Variants in RHOT1 observed in about 807,000 individuals in gnomAD.
RHOT1 encodes mitochondrial Rho GTPase 1.
RHOT1 carries 27 observed loss-of-function variants against 95.3 expected under a neutral mutation model. That is an observed-to-expected ratio of 0.28 (90% CI 0.21 to 0.39). The LOEUF is 0.39. Among genes scored for constraint, RHOT1 ranks in the 10% least tolerant of loss-of-function variants. RHOT1 has a pLI of 1.00. For missense variants in RHOT1, 578 were observed against 786.7 expected, an observed-to-expected ratio of 0.73 and a Z score of 3.17; for synonymous variants, 227 against 263.5, an observed-to-expected ratio of 0.86 and a Z score of 1.34.
intron 18 of RHOT1, 87 bp from the exon 19 acceptor site, chr17:32,211,025 CTAAG>C: frequency 1.5e-6 from 2 of 1,322,496 alleles, no homozygotes; most frequent in South Asian, 3.2e-5. Flanking sequence ...TTGCTTATGC[CTAAG>C]TCTTTTTTTT....
chr17:32,207,059 T>C (rs1456042292), intron 17 of RHOT1, 30 bp downstream of exon 17: 2 of 1,575,922 alleles, frequency 1.3e-6, no homozygotes, highest in Non-Finnish European at 1.7e-6. Flanking sequence ...TATGACTGAA[T>C]GTAACTTCAT....
intron 1 of RHOT1, among the ~76,000 whole-genome samples, chr17:32,147,220 T>C (rs74758395): frequency 0.18 from 27,612 of 151,350 alleles, 2,611 homozygotes; most frequent in South Asian, 0.26. Flanking sequence ...AATTTTTGTA[T>C]TTTTAGTAGA....
In RHOT1 at chr17:32,182,726, T is replaced by G. The variant is rs763009357; in HGVS notation, c.330-31T>G. On this transcript the variant is annotated intron_variant, in intron 6 of 19. Coordinates refer to ENST00000545287, the MANE Select transcript of RHOT1 (RefSeq NM_001033566.3). ...AATATAAATTTAATGTCTTTTGCCT[T>G]CCTTATTACAATGTGCCCTGTTTAT... 1.3e-5 allele frequency: 16 copies of G among 1,240,750 alleles called. No homozygotes were observed. In the Admixed American group the frequency reaches 3.1e-4, roughly 24 times the overall value. 76.9% of individuals were successfully genotyped at this position (1,240,750 alleles called of 1,614,324 possible). A position where few individuals can be genotyped will look rare whatever the true frequency, so the allele number is the denominator to read the frequency against.
At chr17:32,178,272 A>G (rs1420001972) in intron 6 of RHOT1, among the ~76,000 whole-genome samples, 3 of 147,866 alleles carry the variant, frequency 2.0e-5, no homozygotes, top group South Asian at 2.2e-4. Context: ...GCTCACTGCA[A>G]CCTGCCTGCC....
chr17:32,158,173 T>C (rs1488013586), intron 1 of RHOT1, among the ~76,000 whole-genome samples: 1 of 152,118 alleles, frequency 6.6e-6, no homozygotes, highest in East Asian at 1.9e-4. Flanking sequence ...TTAGTTAATA[T>C]ATTTTCCATA....
intron 2 of RHOT1, among the ~76,000 whole-genome samples, 186 bp downstream of exon 2, chr17:32,171,287 C>T (rs937564350): frequency 6.6e-6 from 1 of 152,192 alleles, no homozygotes; most frequent in African/African-American, 2.4e-5. Context: ...GTGGTGCCAT[C>T]ATAGCCCACT....
At chr17:32,224,102 T>C (rs1441079192) in intron 19 of RHOT1, among the ~76,000 whole-genome samples, 1 of 152,222 alleles carries the variant, frequency 6.6e-6, no homozygotes, top group African/African-American at 2.4e-5. Flanking sequence ...GGGGGGTTTT[T>C]TGTAAATTTT....
intron 1 of RHOT1, among the ~76,000 whole-genome samples, chr17:32,169,093 T>A (rs1224602860): frequency 6.6e-6 from 1 of 152,200 alleles, no homozygotes; most frequent in African/African-American, 2.4e-5. Context: ...CCAGCGGTAC[T>A]CGGTTGTTCA....
intron 19 of RHOT1, among the ~76,000 whole-genome samples, chr17:32,220,504 A>G (rs530616885): frequency 6.6e-6 from 1 of 152,326 alleles, no homozygotes; most frequent in East Asian, 1.9e-4. Flanking sequence ...AAATATACAC[A>G]CATTGTGTTT....
chr17:32,216,913 T>C (rs1319379528), intron 19 of RHOT1, among the ~76,000 whole-genome samples: 2 of 152,296 alleles, frequency 1.3e-5, no homozygotes, highest in East Asian at 3.9e-4. Flanking sequence ...TTTATTCCCT[T>C]GTATGAAGGT....
At chr17:32,170,088 A>G (rs950729762) in intron 1 of RHOT1, among the ~76,000 whole-genome samples, 7 of 152,124 alleles carry the variant, frequency 4.6e-5, no homozygotes, top group South Asian at 2.1e-4. Flanking sequence ...ATTATAATAC[A>G]TCATGCAGTG....
chr17:32,185,174 G>T (rs1052705174), intron 8 of RHOT1, among the ~76,000 whole-genome samples: 7 of 151,776 alleles, frequency 4.6e-5, no homozygotes. Flanking sequence ...GCAATGGTGC[G>T]ATCTCTGTGC....
intron 1 of RHOT1, among the ~76,000 whole-genome samples, chr17:32,157,971 G>A (rs1443748236): frequency 6.6e-6 from 1 of 152,140 alleles, no homozygotes; most frequent in African/African-American, 2.4e-5. Flanking sequence ...CTGGGCTCAA[G>A]TGATCCTCCC....
At chr17:32,194,933 C>G (rs1425718114) in intron 11 of RHOT1, among the ~76,000 whole-genome samples, 1 of 148,532 alleles carries the variant, frequency 6.7e-6, no homozygotes, top group Non-Finnish European at 1.5e-5. Context: ...TTAAGCGATT[C>G]TTCTGTCTCA....
chr17:32,191,695 T>C (rs1020807348), intron 8 of RHOT1, among the ~76,000 whole-genome samples: 4 of 152,338 alleles, frequency 2.6e-5, no homozygotes, highest in Admixed American at 2.6e-4. Flanking sequence ...TTTACACTTA[T>C]TAACCAGTGA....
intron 1 of RHOT1, among the ~76,000 whole-genome samples, chr17:32,159,075 C>T (rs924226105): frequency 1.3e-5 from 2 of 152,154 alleles, no homozygotes; most frequent in African/African-American, 2.4e-5. Context: ...CCACTATGGC[C>T]TCAACCTCTC....
chr17:32,149,607 A>ATGTGTGTG, intron 1 of RHOT1, among the ~76,000 whole-genome samples: 1 of 77,674 alleles, frequency 1.3e-5, no homozygotes, highest in African/African-American at 8.4e-5. Flanking sequence ...ATATATATAT[A>ATGTGTGTG]TATATATATA....
At chr17:32,152,031 A>G (rs1023202786) in intron 1 of RHOT1, among the ~76,000 whole-genome samples, 4 of 152,228 alleles carry the variant, frequency 2.6e-5, no homozygotes, top group African/African-American at 9.6e-5. Flanking sequence ...AATTACCTCA[A>G]ATTCTTTTCC....
In RHOT1 at chr17:32,199,037, C is replaced by T. The variant is rs760643751; in HGVS notation, c.954+6C>T. 4 of 1,579,218 alleles carry T rather than the reference C, an allele frequency of 2.5e-6. No homozygotes were observed. The highest frequency in any genetic ancestry group is 1.3e-5 in the African/African-American group (1 of 74,074). ...CCTTTGACAAGCATGATTTGGTAAG[C>T]CTTTAGCTGTAATTTTCCATTATAT... On this transcript the variant is annotated splice_donor_region_variant and intron_variant, in intron 12 of 19. Transcript: ENST00000545287.
Sources: allele counts gnomAD v4.1 joint callset (sites outside exome capture counted in the v4.1 genomes callset), GRCh38; gene constraint gnomAD v4.1.1; transcripts MANE v1.5; gene names NCBI Gene and HGNC (gene_info 2026-07-23, HGNC 2026-07-21).